Variants in IRAG2 observed in about 807,000 individuals in gnomAD.
The protein encoded by IRAG2 is lymphoid restricted membrane protein.
In IRAG2, 45 loss-of-function variants were observed where a neutral mutation model predicts 69.9. The ratio of observed to expected loss-of-function variants is 0.64; its 90% confidence interval spans 0.51 to 0.83. IRAG2 has a LOEUF of 0.83. Among genes scored for constraint, IRAG2 ranks in the 40% least tolerant of loss-of-function variants. The pLI is 0.00. For missense variants in IRAG2, 520 were observed against 587.0 expected (o/e 0.89, Z 1.18); for synonymous variants, 193 against 202.4 (o/e 0.95, Z 0.40).
the IRAG2 span, among the ~76,000 whole-genome samples, chr12:24,998,906 A>T: frequency 8.7e-6 from 1 of 115,128 alleles, no homozygotes; most frequent in Non-Finnish European, 1.8e-5. Context: ...AGATAATTAC[A>T]TTGTTAATCT....
intron 1 of IRAG2, among the ~76,000 whole-genome samples, chr12:25,058,379 C>G (rs1945404863): frequency 6.6e-6 from 1 of 152,088 alleles, no homozygotes; most frequent in Non-Finnish European, 1.5e-5. Flanking sequence ...CATTGTATAT[C>G]TTCTTTGTGA....
chr12:25,052,538 A>G (rs1292066974), upstream of IRAG2: 1 of 397,088 alleles, frequency 2.5e-6, no homozygotes, highest in African/African-American at 2.1e-5. Context: ...GAGAGGCGGT[A>G]TCAACAGCCT....
chr12:25,058,560 A>G (rs1945414303), intron 1 of IRAG2, among the ~76,000 whole-genome samples: 1 of 152,178 alleles, frequency 6.6e-6, no homozygotes, highest in Admixed American at 6.5e-5. Flanking sequence ...TTTTTCCAGT[A>G]TAGATAGTAT....
chr12:25,034,542 T>C (rs906721717), intron 13 of IRAG2, among the ~76,000 whole-genome samples: 1 of 152,228 alleles, frequency 6.6e-6, no homozygotes, highest in African/African-American at 2.4e-5. Context: ...GGAAGAAATA[T>C]TTTAAAAACC....
At chr12:25,105,522 G>A (rs539457253) in intron 20 of IRAG2, among the ~76,000 whole-genome samples, 8 of 152,206 alleles carry the variant, frequency 5.3e-5, no homozygotes, top group Admixed American at 1.3e-4. Context: ...ATGACATGGT[G>A]CAATCCTCAA....
At chr12:25,026,234 C>T (rs1303232943) in intron 8 of IRAG2, among the ~76,000 whole-genome samples, 3 of 152,138 alleles carry the variant, frequency 2.0e-5, no homozygotes, top group African/African-American at 7.2e-5. Context: ...CACCAGTAAA[C>T]ACTGAGGTTA....
chr12:25,026,905 T>A, intron 9 of IRAG2: 1 of 1,021,720 alleles, frequency 9.8e-7, no homozygotes, highest in Non-Finnish European at 1.3e-6. Context: ...ATTTTTTTTC[T>A]GTCAAACCAG....
At position 25,096,611 on chromosome 12, in the gene IRAG2, A is replaced by G. The variant is rs3782188; in HGVS notation, c.607-299A>G. Among the ~76,000 whole-genome samples, 17,410 of 152,202 alleles carry G rather than the reference A, an allele frequency of 0.11. 1,346 individuals carry two copies. Among genetic ancestry groups the G allele is most frequent in the Admixed American group, 0.16 (2,384 of 15,286 alleles). On this transcript the variant is annotated intron_variant, in intron 14 of 21. Coordinates refer to ENST00000556887, the MANE Select transcript of IRAG2 (RefSeq NM_001366544.2). ...AAGCATAATCTCTTTACCATTACCA[A>G]TTAATTGCAGCCCATCCTATTAGCT...
rs71063389 is a variant in IRAG2 at position 25,021,091 on chromosome 12, CT to C, written c.1332+197del. 3.6e-3 allele frequency: 993 copies of C among 272,476 alleles called. 1 individual carries two copies. The highest frequency in any genetic ancestry group is 7.1e-3 in the African/African-American group (300 of 42,030). 16.9% of individuals were successfully genotyped at this position (272,476 alleles called of 1,614,324 possible). A position where few individuals can be genotyped will look rare whatever the true frequency, so the allele number is the denominator to read the frequency against. Reference sequence around the variant, plus strand: ...TGTTTTCCTTTTCTTTCTTTCTTTTCTTTTTTTTTTTTTCTTTTTTTCTTTT... The same window carrying C: ...TGTTTTCCTTTTCTTTCTTTCTTTTCTTTTTTTTTTTTCTTTTTTTCTTTT... On this transcript the variant is annotated intron_variant, in intron 7 of 38. Coordinates refer to the IRAG2 transcript ENST00000636465.
intron 10 of IRAG2, among the ~76,000 whole-genome samples, chr12:25,086,621 T>G (rs934649522): frequency 6.6e-6 from 1 of 152,032 alleles, no homozygotes; most frequent in African/African-American, 2.4e-5. Flanking sequence ...GCTAACAATA[T>G]CTACTAGAGA....
chr12:25,039,929 G>A (rs1339397791), intron 16 of IRAG2, among the ~76,000 whole-genome samples: 3 of 152,186 alleles, frequency 2.0e-5, no homozygotes, highest in Non-Finnish European at 4.4e-5. Flanking sequence ...CAGAGAGGTT[G>A]CATAATTTGC....
At chr12:25,055,442 A>G (rs937271428) in intron 1 of IRAG2, among the ~76,000 whole-genome samples, 1 of 152,328 alleles carries the variant, frequency 6.6e-6, no homozygotes, top group East Asian at 1.9e-4. Flanking sequence ...GATTATAATT[A>G]GTGTTTGCTT....
At chr12:25,077,816 GA>G in intron 6 of IRAG2, among the ~76,000 whole-genome samples, 1 of 152,098 alleles carries the variant, frequency 6.6e-6, no homozygotes, top group African/African-American at 2.4e-5. Context: ...GAAACAAAAT[GA>G]AGTAAAAAAG....
chr12:25,063,038 G>T, intron 3 of IRAG2, 138 bp downstream of exon 3: 1 of 393,706 alleles, frequency 2.5e-6, no homozygotes, highest in Non-Finnish European at 4.5e-6. Flanking sequence ...ATCAAGTGAG[G>T]CAACAGATAC....
At chr12:25,032,599 A>T (rs1209700735) in intron 12 of IRAG2, among the ~76,000 whole-genome samples, 1 of 152,178 alleles carries the variant, frequency 6.6e-6, no homozygotes, top group Non-Finnish European at 1.5e-5. Flanking sequence ...CTTCAATAAT[A>T]CTCATTTATT....
chr12:25,070,701 T>C (rs919922808), intron 6 of IRAG2, among the ~76,000 whole-genome samples: 3 of 152,228 alleles, frequency 2.0e-5, no homozygotes, highest in African/African-American at 4.8e-5. Context: ...TTTAATGTTT[T>C]TGAGGAACTG....
rs1393745324 is a variant in IRAG2 at position 25,035,248 on chromosome 12, T to C, written c.1744-405T>C. ...TGAGAGAAGTATAGGGAATGTACTT[T>C]GTGAAACATCATATGGTCTTTTATG... On this transcript the variant is annotated intron_variant, in intron 13 of 38. Transcript: ENST00000636465. 2.6e-5 allele frequency among the ~76,000 whole-genome samples: 4 copies of C among 152,206 alleles called. No homozygotes were observed. In the East Asian group the frequency reaches 7.7e-4, roughly 29 times the overall value.
intron 6 of IRAG2, chr12:25,076,699 T>TAAATGTTATTTCATGCTA (rs1437312230): frequency 1.4e-6 from 1 of 697,760 alleles, no homozygotes; most frequent in Non-Finnish European, 1.8e-6. Context: ...AGTGCAATAA[T>TAAATGTTATTTCATGCTA]AAATGTTATT....
chr12:25,022,924 G>A lies in IRAG2; in HGVS notation c.1333-947G>A, dbSNP rs374214546. ...GCAGATCACCTGGGGTCAGGAGTTCGAGGCCAGCCTGGCCAACATGGTGAA... is the reference window on the plus strand; with the variant it reads ...GCAGATCACCTGGGGTCAGGAGTTCAAGGCCAGCCTGGCCAACATGGTGAA... On this transcript the variant is annotated intron_variant, in intron 7 of 38. Transcript: ENST00000636465. 6.1e-4 allele frequency among the ~76,000 whole-genome samples: 93 copies of A among 152,242 alleles called. 2 individuals are homozygous for A. The South Asian group carries it at 0.018, about 29-fold the overall frequency.
Sources: gnomAD v4.1 joint callset for allele counts (sites outside exome capture counted in the v4.1 genomes callset) on GRCh38, gnomAD v4.1.1 for gene constraint, MANE v1.5 for transcripts, NCBI Gene and HGNC (gene_info 2026-07-23, HGNC 2026-07-21) for gene names.